ZNF532: variants seen among roughly 807,000 people sequenced by gnomAD.
ZNF532 encodes zinc finger protein 532.
Under a neutral mutation model 89.3 loss-of-function variants are expected in ZNF532, and 22 were observed. The observed-to-expected ratio is 0.25, with a 90% CI of 0.18 to 0.35. The LOEUF is 0.35. Among genes scored for constraint, ZNF532 ranks in the 10% least tolerant of loss-of-function variants. The pLI is 1.00. For missense variants in ZNF532, 1,132 were observed against 1,643.4 expected (o/e 0.69, Z 5.38); for synonymous variants, 606 against 649.6 (o/e 0.93, Z 1.02).
chr18:58,939,598 T>A lies in ZNF532; in HGVS notation c.2682T>A (p.Pro894=). 1 of 1,613,036 alleles carries A rather than the reference T, an allele frequency of 6.2e-7. No homozygotes were observed. Among genetic ancestry groups the A allele is most frequent in the Non-Finnish European group, 8.5e-7 (1 of 1,179,744 alleles). The part of the protein sequence containing the change: ...STHSHAYTQH[P]GIKIGEPKII... ...ATTCCCACGCCTACACACAGCATCC[T>A]GGCATCAAGATAGGAGAACCAAAGT... The change falls in exon 5 of 10, where the codon CCT becomes CCA. Residue 894 remains proline, a synonymous_variant. Transcript: ENST00000591808.
intron 3 of ZNF532, 145 bp from the exon 4 acceptor site, chr18:58,934,288 G>C: frequency 1.4e-6 from 1 of 696,850 alleles, no homozygotes; most frequent in Non-Finnish European, 2.4e-6. Flanking sequence ...TAACTTTCAA[G>C]TTGGCTTTTC....
chr18:58,907,571 G>A (rs1407465452), intron 2 of ZNF532, among the ~76,000 whole-genome samples: 1 of 151,964 alleles, frequency 6.6e-6, no homozygotes, highest in Non-Finnish European at 1.5e-5. Flanking sequence ...TCCCGGCGGA[G>A]AAGTTTTATA....
At chr18:58,943,127 T>C (rs1440387908) in intron 5 of ZNF532, among the ~76,000 whole-genome samples, 1 of 152,108 alleles carries the variant, frequency 6.6e-6, no homozygotes, top group East Asian at 1.9e-4. Flanking sequence ...TCTGGATAAT[T>C]TGAGATCATT....
Position 58,942,039 on chromosome 18 carries a change from C to A in ZNF532, c.2705+2418C>A, listed in dbSNP as rs192734792. Reference sequence around the variant, plus strand: ...TTCTTTTCTTTTTTTCTACCCCCGCCCCCCCCTCAGTCTCGCTGTGTCGCC... The same window carrying A: ...TTCTTTTCTTTTTTTCTACCCCCGCACCCCCCTCAGTCTCGCTGTGTCGCC... On this transcript the variant is annotated intron_variant, in intron 5 of 9. Transcript: ENST00000591808. Among the ~76,000 whole-genome samples the A allele has an allele frequency of 1.3e-4, 18 of 143,364 alleles. No homozygotes were observed. In the East Asian group the frequency reaches 2.7e-3, roughly 21 times the overall value. The allele number at this position is 143,364 out of a possible 152,430, so 94.1% of individuals were successfully genotyped here. A position where few individuals can be genotyped will look rare whatever the true frequency, so the allele number is the denominator to read the frequency against.
intron 2 of ZNF532, among the ~76,000 whole-genome samples, chr18:58,871,441 T>A (rs2056975836): frequency 6.6e-6 from 1 of 152,164 alleles, no homozygotes; most frequent in South Asian, 2.1e-4. Flanking sequence ...CTGTACATGT[T>A]TTTCCCTGTG....
chr18:58,927,687 C>G (rs926380208), intron 3 of ZNF532, among the ~76,000 whole-genome samples: 1 of 152,024 alleles, frequency 6.6e-6, no homozygotes, highest in Admixed American at 6.6e-5. Context: ...ACTCTTATTC[C>G]ATTTTCCTCA....
At chr18:58,906,462 T>C (rs2145784646) in intron 2 of ZNF532, among the ~76,000 whole-genome samples, 1 of 152,314 alleles carries the variant, frequency 6.6e-6, no homozygotes, top group Middle Eastern at 3.4e-3. Context: ...TTCAGCTCTT[T>C]CTTACCTTCT....
chr18:58,963,814 C>G (rs150902631), intron 7 of ZNF532, among the ~76,000 whole-genome samples: 14,978 of 136,536 alleles, frequency 0.11, 819 homozygotes, highest in Admixed American at 0.13. Flanking sequence ...AGAGTGAGAC[C>G]CTGTCTCAAA....
At chr18:58,982,973 A>G (rs2067989832) in intron 9 of ZNF532, among the ~76,000 whole-genome samples, 1 of 152,098 alleles carries the variant, frequency 6.6e-6, no homozygotes, top group Non-Finnish European at 1.5e-5. Context: ...TTAGCTGGAC[A>G]TCGTGGTGCA....
chr18:58,973,968 C>G (rs1248706672), intron 7 of ZNF532, among the ~76,000 whole-genome samples: 1 of 152,068 alleles, frequency 6.6e-6, no homozygotes, highest in Non-Finnish European at 1.5e-5. Context: ...TCCCTGGCTG[C>G]TAAGAGCGGG....
rs1568372476 is a variant in ZNF532 at position 58,939,423 on chromosome 18, CGT to C, written c.2529-17_2529-16del. 5.6e-6 allele frequency: 9 copies of C among 1,601,708 alleles called. No homozygotes were observed. Among genetic ancestry groups the C allele is most frequent in the Non-Finnish European group, 7.7e-6 (9 of 1,173,788 alleles). ...TGTGTTATGGTCTTGTGCTAATGAC[CGT>C]GTGTTTATTTTTCTAACAGATGTGT... is the stretch of plus-strand genomic sequence containing the variant. On this transcript the variant is annotated intron_variant, in intron 4 of 9. Coordinates refer to ENST00000591808, the MANE Select transcript of ZNF532 (RefSeq NM_001375912.1).
At chr18:58,960,163 T>G (rs922216437) in intron 7 of ZNF532, among the ~76,000 whole-genome samples, 1 of 152,208 alleles carries the variant, frequency 6.6e-6, no homozygotes, top group East Asian at 1.9e-4. Context: ...GGTCTTGAAC[T>G]CCTGACCTCA....
chr18:58,965,241 T>G (rs1306738953), intron 7 of ZNF532, among the ~76,000 whole-genome samples: 1 of 152,174 alleles, frequency 6.6e-6, no homozygotes, highest in African/African-American at 2.4e-5. Flanking sequence ...GTGGCTAAAT[T>G]GGAAGGCGGG....
At chr18:58,863,448 C>G (rs1473301546), upstream of ZNF532, 1 of 136,492 alleles carries the variant, frequency 7.3e-6, no homozygotes, top group Non-Finnish European at 1.6e-5. Context: ...CTTCCCCCAC[C>G]GGCCGCCCCC....
intron 9 of ZNF532, among the ~76,000 whole-genome samples, chr18:58,983,681 TTC>T (rs2068103024): frequency 6.6e-6 from 1 of 152,046 alleles, no homozygotes. Context: ...TCTCATTTGT[TTC>T]TGTTCATCTA....
At chr18:58,968,813 T>C (rs1157063314) in intron 7 of ZNF532, among the ~76,000 whole-genome samples, 2 of 152,254 alleles carry the variant, frequency 1.3e-5, no homozygotes, top group East Asian at 1.9e-4. Context: ...GAGGCTGTTA[T>C]GGACTTGGCC....
intron 7 of ZNF532, among the ~76,000 whole-genome samples, chr18:58,969,941 G>A (rs1376585649): frequency 2.1e-5 from 3 of 142,520 alleles, no homozygotes; most frequent in Non-Finnish European, 3.0e-5. Context: ...CTGGAGGGCA[G>A]TGGCGTGATC....
chr18:58,949,109 G>T (rs182246572), intron 6 of ZNF532, among the ~76,000 whole-genome samples: 1 of 152,012 alleles, frequency 6.6e-6, no homozygotes, highest in East Asian at 1.9e-4. Context: ...CTGGCACCTG[G>T]TGGTGTTCAG....
At chr18:58,927,988 C>CT (rs2061660667) in intron 3 of ZNF532, among the ~76,000 whole-genome samples, 1 of 152,232 alleles carries the variant, frequency 6.6e-6, no homozygotes, top group African/African-American at 2.4e-5. Context: ...ATCTGGTGGG[C>CT]TGAGCCTCTT....
Sources: allele counts gnomAD v4.1 joint callset (sites outside exome capture counted in the v4.1 genomes callset), GRCh38; gene constraint gnomAD v4.1.1; transcripts MANE v1.5; gene names NCBI Gene and HGNC (gene_info 2026-07-23, HGNC 2026-07-21).